SOX5: variants seen among roughly 807,000 people sequenced by gnomAD.
SOX5 encodes the protein transcription factor SOX-5.
Under a neutral mutation model 92.0 loss-of-function variants are expected in SOX5, and 9 were observed. The ratio of observed to expected loss-of-function variants is 0.10; its 90% CI spans 0.06 to 0.17. The LOEUF is 0.17. Among genes scored for constraint, SOX5 ranks in the 10% least tolerant of loss-of-function variants. The probability of loss-of-function intolerance (pLI) is 1.00; values close to 1 mark genes in which losing one functional copy is unlikely to be tolerated. For missense variants in SOX5, 642 were observed against 944.5 expected (o/e 0.68, Z 4.20); for synonymous variants, 344 against 336.3 (o/e 1.02, Z -0.25).
At chr12:23,621,499 G>GA (rs1005922153) in intron 8 of SOX5, among the ~76,000 whole-genome samples, 7 of 152,010 alleles carry the variant, frequency 4.6e-5, no homozygotes, top group African/African-American at 9.7e-5. Flanking sequence ...GAGGGCGTTA[G>GA]AAAAAATCAC....
intron 1 of SOX5, among the ~76,000 whole-genome samples, chr12:24,384,009 TC>T (rs1483445930): frequency 6.6e-6 from 1 of 152,076 alleles, no homozygotes; most frequent in Non-Finnish European, 1.5e-5. Context: ...AAGCGGCTTT[TC>T]CCCCTTTGCT....
chr12:24,198,415 G>T (rs1957207900), intron 4 of SOX5, among the ~76,000 whole-genome samples: 1 of 152,028 alleles, frequency 6.6e-6, no homozygotes. Context: ...TGTTTATCTG[G>T]ATCTCTCTAT....
rs1286996060 is a variant in SOX5 at position 23,886,244 on chromosome 12, A to G, written c.270+9549T>C. Reference sequence around the variant, plus strand: ...TGAAAGCCATATGAATATGATTGTCAAAATATGTGAAAAAAAGAAAATCCA... The same window carrying G: ...TGAAAGCCATATGAATATGATTGTCGAAATATGTGAAAAAAAGAAAATCCA... On this transcript the variant is annotated intron_variant, in intron 2 of 14. Coordinates refer to ENST00000451604, the MANE Select transcript of SOX5 (RefSeq NM_006940.6). Among the ~76,000 whole-genome samples the G allele has an allele frequency of 3.3e-5, 5 of 152,184 alleles. No individual in the cohort carries two copies. In the East Asian group the frequency reaches 9.6e-4, roughly 29 times the overall value.
chr12:23,864,478 C>T (rs575098017), intron 2 of SOX5, among the ~76,000 whole-genome samples: 20 of 152,148 alleles, frequency 1.3e-4, no homozygotes, highest in African/African-American at 4.3e-4. Flanking sequence ...CATAGTTAGC[C>T]AAGTTATGGA....
At chr12:24,522,139 G>A (rs571353808) in intron 1 of SOX5, among the ~76,000 whole-genome samples, 102 of 151,506 alleles carry the variant, frequency 6.7e-4, no homozygotes, top group African/African-American at 2.4e-3. Context: ...AAACTATTAT[G>A]AACAATTAAA....
chr12:23,720,180 A>AT (rs146184017), intron 6 of SOX5, among the ~76,000 whole-genome samples: 31 of 152,320 alleles, frequency 2.0e-4, no homozygotes, highest in African/African-American at 7.2e-4. Flanking sequence ...AACAGAAAGA[A>AT]TTTTTTAAAA....
intron 3 of SOX5, among the ~76,000 whole-genome samples, chr12:23,779,810 T>TACACAC (rs1333274564): frequency 1.5e-4 from 15 of 98,622 alleles, no homozygotes; most frequent in African/African-American, 5.3e-4. Context: ...TATATATATA[T>TACACAC]ATATACACAC....
chr12:24,238,441 C>T (rs1223403421), intron 3 of SOX5, among the ~76,000 whole-genome samples: 2 of 152,140 alleles, frequency 1.3e-5, no homozygotes, highest in Admixed American at 6.5e-5. Flanking sequence ...AGCCTCAACC[C>T]CCCAGGCTCA....
intron 4 of SOX5, among the ~76,000 whole-genome samples, chr12:24,177,181 A>G (rs1236957164): frequency 6.6e-6 from 1 of 152,058 alleles, no homozygotes; most frequent in Non-Finnish European, 1.5e-5. Context: ...TCACTCACAT[A>G]ATTAGGGAGG....
chr12:23,613,624 T>C (rs999290138), intron 8 of SOX5, among the ~76,000 whole-genome samples: 4 of 152,208 alleles, frequency 2.6e-5, no homozygotes, highest in African/African-American at 7.2e-5. Flanking sequence ...TGTCCACTGA[T>C]GGATGAATGG....
chr12:24,353,280 C>T (rs1185548009), intron 2 of SOX5, among the ~76,000 whole-genome samples: 1 of 152,148 alleles, frequency 6.6e-6, no homozygotes, highest in African/African-American at 2.4e-5. Flanking sequence ...ATGGAGCAAC[C>T]CTTTACTCGA....
At chr12:23,625,334 C>T (rs956877861) in intron 8 of SOX5, among the ~76,000 whole-genome samples, 33 of 152,250 alleles carry the variant, frequency 2.2e-4, no homozygotes, top group African/African-American at 7.5e-4. Context: ...AAAGTGGGGG[C>T]TGTTACTGGT....
intron 4 of SOX5, among the ~76,000 whole-genome samples, chr12:24,152,468 C>T (rs563212475): frequency 6.6e-6 from 1 of 152,242 alleles, no homozygotes; most frequent in East Asian, 1.9e-4. Context: ...TTGCTCCTGA[C>T]CTGCTTATCT....
chr12:24,536,097 A>G (rs1370727499), intron 1 of SOX5, among the ~76,000 whole-genome samples: 2 of 152,188 alleles, frequency 1.3e-5, no homozygotes, highest in Non-Finnish European at 2.9e-5. Flanking sequence ...GTTACTGTTA[A>G]CCCTTGGAAG....
intron 4 of SOX5, among the ~76,000 whole-genome samples, chr12:23,994,075 C>G (rs2136290979): frequency 6.6e-6 from 1 of 151,980 alleles, no homozygotes; most frequent in South Asian, 2.1e-4. Flanking sequence ...GATCACACCA[C>G]TGGCACCACT....
intron 11 of SOX5, among the ~76,000 whole-genome samples, chr12:23,548,169 T>A (rs1346675024): frequency 1.3e-5 from 2 of 152,016 alleles, no homozygotes; most frequent in Non-Finnish European, 2.9e-5. Context: ...ACACATTTTC[T>A]AGAGAGTTTT....
intron 3 of SOX5, among the ~76,000 whole-genome samples, chr12:23,775,575 A>G (rs2095072296): frequency 6.6e-6 from 1 of 152,170 alleles, no homozygotes; most frequent in Non-Finnish European, 1.5e-5. Context: ...GGTAATCCTT[A>G]TTATTTGAAC....
intron 3 of SOX5, among the ~76,000 whole-genome samples, chr12:24,273,634 G>GT (rs1166296119): frequency 6.6e-6 from 1 of 152,080 alleles, no homozygotes; most frequent in Non-Finnish European, 1.5e-5. Context: ...CCAACAATCG[G>GT]TTTTTTGGCT....
intron 2 of SOX5, among the ~76,000 whole-genome samples, chr12:24,290,945 A>G (rs1305143502): frequency 6.6e-6 from 1 of 152,236 alleles, no homozygotes; most frequent in African/African-American, 2.4e-5. Context: ...CACAGGGCTA[A>G]GTTCACATAG....
Sources: allele counts gnomAD v4.1 joint callset (sites outside exome capture counted in the v4.1 genomes callset), GRCh38; gene constraint gnomAD v4.1.1; transcripts MANE v1.5; gene names NCBI Gene and HGNC (gene_info 2026-07-23, HGNC 2026-07-21).